The following PIWIL2 variants were observed in gnomAD, a reference collection of about 807,000 sequenced individuals.
The protein encoded by PIWIL2 is piwi-like protein 2.
Under a neutral mutation model 116.5 loss-of-function variants are expected in PIWIL2, and 81 were observed. The observed-to-expected ratio is 0.70, with a 90% CI of 0.58 to 0.84. The LOEUF (loss-of-function observed/expected upper bound fraction) is 0.84. Ranked by LOEUF, PIWIL2 falls within the 40% of genes least tolerant of loss-of-function variation. The pLI is 0.00. For synonymous variants in PIWIL2, 489 were observed against 429.5 expected (o/e 1.14, Z -1.71); for missense variants, 1,272 against 1,212.3 (o/e 1.05, Z -0.73).
chr8:22,322,086 A>T (rs1586578033), intron 20 of PIWIL2: 1 of 484,520 alleles, frequency 2.1e-6, no homozygotes, highest in African/African-American at 2.1e-5. Flanking sequence ...TAGAGGATAG[A>T]GTTCCCATAC....
chr8:22,332,150 C>T (rs188797970), intron 20 of PIWIL2, among the ~76,000 whole-genome samples: 2 of 151,958 alleles, frequency 1.3e-5, no homozygotes, highest in Non-Finnish European at 2.9e-5. Context: ...ACTAAAAATA[C>T]AAAAATTAGC....
At chr8:22,280,227 C>T (rs1357753338) in intron 2 of PIWIL2, among the ~76,000 whole-genome samples, 1 of 152,056 alleles carries the variant, frequency 6.6e-6, no homozygotes, top group African/African-American at 2.4e-5. Flanking sequence ...TAGATTTTCA[C>T]CTGGTTTTGG....
Position 22,290,979 on chromosome 8 carries a change from T to G in PIWIL2, c.1181+633T>G, listed in dbSNP as rs556423407. Among the ~76,000 whole-genome samples the G allele has an allele frequency of 5.0e-4, 75 of 150,440 alleles. 1 individual carries two copies. The highest frequency in any genetic ancestry group is 1.7e-3 in the African/African-American group (71 of 41,428). ...AAATACAGATGTGTATATATATTTT[T>G]TTTAATTGAGACAGAGTCTCACTCT... On this transcript the variant is annotated intron_variant, in intron 10 of 22. Transcript: ENST00000356766.
intron 20 of PIWIL2, among the ~76,000 whole-genome samples, chr8:22,349,417 G>A (rs13255261): frequency 0.43 from 56,277 of 131,948 alleles, 13,411 homozygotes; most frequent in East Asian, 0.77. Context: ...ATATGTGTGT[G>A]TGTATATATA....
intron 13 of PIWIL2, 24 bp downstream of exon 13, chr8:22,306,040 G>A (rs530276781): frequency 3.4e-5 from 52 of 1,525,250 alleles, no homozygotes; most frequent in African/African-American, 2.2e-4. Flanking sequence ...GTTTTCAGCC[G>A]GAAATGCCCA....
chr8:22,288,414 A>AG (rs1242212203), intron 7 of PIWIL2, 128 bp from the exon 8 acceptor site: 3 of 577,582 alleles, frequency 5.2e-6, no homozygotes, highest in South Asian at 3.9e-5. Flanking sequence ...CAACAAAGTG[A>AG]GGGGAAAAGT....
At position 22,357,209 on chromosome 8, in the gene PIWIL2, C is replaced by G. The variant is rs991909339; in HGVS notation, c.*1704C>G. 6.6e-6 allele frequency: 1 copy of G among 152,006 alleles called. No individual in the cohort carries two copies. The highest frequency in any genetic ancestry group is 2.1e-4 in the South Asian group (1 of 4,810). 9.4% of individuals were successfully genotyped at this position (152,006 alleles called of 1,614,324 possible). A position where few individuals can be genotyped will look rare whatever the true frequency, so the allele number is the denominator to read the frequency against. ...GAATGTTTTTGGTTTGTTGCGGTGC[C>G]CAGCCGAGGTTGAGGAGGGATGGGT... On this transcript the variant is annotated 3_prime_UTR_variant, in exon 23 of 23. Transcript: ENST00000356766.
chr8:22,349,241 A>G (rs1390570762), intron 20 of PIWIL2, among the ~76,000 whole-genome samples: 1 of 150,342 alleles, frequency 6.7e-6, no homozygotes, highest in East Asian at 2.0e-4. Flanking sequence ...TCCTGACCTC[A>G]AGTCATCCGC....
chr8:22,281,122 G>A lies in PIWIL2; in HGVS notation c.201G>A (p.Glu67=). 6.2e-7 allele frequency: 1 copy of A among 1,602,756 alleles called. No homozygotes were observed. Among genetic ancestry groups the A allele is most frequent in the Non-Finnish European group, 8.5e-7 (1 of 1,173,568 alleles). Residue 67 remains glutamate (E), a splice_region_variant and synonymous_variant, in exon 3 of 23, where the codon GAG becomes GAA. Coordinates refer to ENST00000356766, the MANE Select transcript of PIWIL2 (RefSeq NM_018068.5). ...CTTTATTCTTTGACTTTCCACAGGAGTCTGTGGGTTTGGTCTCCATGTTCC... is the reference window on the plus strand; with the variant it reads ...CTTTATTCTTTGACTTTCCACAGGAATCTGTGGGTTTGGTCTCCATGTTCC... The part of the protein sequence containing the change: ...PSTQRGPAQR[E]SVGLVSMFRG...
At chr8:22,324,774 T>C (rs1291054372) in intron 20 of PIWIL2, among the ~76,000 whole-genome samples, 4 of 151,320 alleles carry the variant, frequency 2.6e-5, no homozygotes, top group Non-Finnish European at 5.9e-5. Flanking sequence ...TGCTTCAATA[T>C]GACTATGTTT....
intron 10 of PIWIL2, among the ~76,000 whole-genome samples, chr8:22,293,401 A>G (rs567105984): frequency 1.5e-4 from 23 of 152,156 alleles, no homozygotes; most frequent in African/African-American, 4.3e-4. Flanking sequence ...GTGCAATGAC[A>G]TGATGTTGGT....
intron 6 of PIWIL2, among the ~76,000 whole-genome samples, chr8:22,284,537 G>A (rs958422825): frequency 2.0e-5 from 3 of 152,158 alleles, no homozygotes; most frequent in African/African-American, 7.2e-5. Context: ...AATTAATGAA[G>A]CTTAAGTTCA....
chr8:22,332,783 G>T (rs1480955024), intron 20 of PIWIL2, among the ~76,000 whole-genome samples: 1 of 151,984 alleles, frequency 6.6e-6, no homozygotes, highest in Non-Finnish European at 1.5e-5. Flanking sequence ...GACATTGCAT[G>T]GCAAATAAAA....
chr8:22,276,309 T>TTTTG lies in PIWIL2; in HGVS notation c.-47+931_-47+934dup, dbSNP rs561089973. On this transcript the variant is annotated intron_variant, in intron 1 of 22. Coordinates refer to ENST00000356766, the MANE Select transcript of PIWIL2 (RefSeq NM_018068.5). ...CTGTAGCTAATACTTAAGACAGCTT[T>TTTTG]TTTGTTTGTTTGTTTGTTTGTTTTG... Among the ~76,000 whole-genome samples the TTTTG allele has an allele frequency of 5.3e-3, 812 of 152,312 alleles. 5 individuals carry two copies. Among genetic ancestry groups the TTTTG allele is most frequent in the Non-Finnish European group, 6.7e-3 (453 of 68,026 alleles).
intron 10 of PIWIL2, among the ~76,000 whole-genome samples, chr8:22,291,420 G>A (rs1197936258): frequency 6.6e-6 from 1 of 151,952 alleles, no homozygotes; most frequent in Non-Finnish European, 1.5e-5. Context: ...CAAAGTGCTG[G>A]GATTACAGGC....
chr8:22,318,308 G>T (rs772460745), intron 20 of PIWIL2, 33 bp downstream of exon 20: 4 of 1,227,390 alleles, frequency 3.3e-6, no homozygotes, highest in South Asian at 2.6e-5. Flanking sequence ...GGCTTCTGGG[G>T]TTTTTTGTTT....
At position 22,298,935 on chromosome 8, in the gene PIWIL2, T is replaced by A. The variant is rs528163067; in HGVS notation, c.1182-5086T>A. Reference sequence around the variant, plus strand: ...GCTTATAGAAACAAGGGGATGACGTTGATTAGTTGGCTTGCAAAAGTGTGT... The same window carrying A: ...GCTTATAGAAACAAGGGGATGACGTAGATTAGTTGGCTTGCAAAAGTGTGT... On this transcript the variant is annotated intron_variant, in intron 10 of 22. Coordinates refer to ENST00000356766, the MANE Select transcript of PIWIL2 (RefSeq NM_018068.5). Among the ~76,000 whole-genome samples, 3 of 152,284 alleles carry A rather than the reference T, an allele frequency of 2.0e-5. No homozygotes were observed. The East Asian group carries it at 5.8e-4, about 29-fold the overall frequency.
intron 12 of PIWIL2, among the ~76,000 whole-genome samples, chr8:22,305,364 T>C (rs530654913): frequency 3.9e-5 from 6 of 152,138 alleles, no homozygotes; most frequent in Admixed American, 2.0e-4. Context: ...GGCTAATTTT[T>C]TGTATTTTTA....
At chr8:22,315,880 C>T (rs749986677) in intron 18 of PIWIL2, among the ~76,000 whole-genome samples, 29 of 152,100 alleles carry the variant, frequency 1.9e-4, no homozygotes, top group Non-Finnish European at 4.0e-4. Flanking sequence ...TTGCTTGCAT[C>T]CCAAATTCAA....
Sources: allele counts gnomAD v4.1 joint callset (sites outside exome capture counted in the v4.1 genomes callset), GRCh38; gene constraint gnomAD v4.1.1; transcripts MANE v1.5; gene names NCBI Gene and HGNC (gene_info 2026-07-23, HGNC 2026-07-21).